Variants in RNGTT observed in about 807,000 individuals in gnomAD.
RNGTT encodes mRNA-capping enzyme.
Under a neutral mutation model 79.3 loss-of-function variants are expected in RNGTT, and 33 were observed. The observed-to-expected ratio is 0.42, with a 90% CI of 0.32 to 0.56. The LOEUF (loss-of-function observed/expected upper bound fraction) is 0.56. RNGTT is among the 20% of genes least tolerant of loss of function. The pLI is 0.17. For missense variants in RNGTT, 497 were observed against 739.1 expected (o/e 0.67, Z 3.80); for synonymous variants, 222 against 235.9 (o/e 0.94, Z 0.54).
rs1233717211 is a variant in RNGTT, at chr6:88,610,395, AC to A, written c.*2323del. 6.6e-6 allele frequency: 1 copy of A among 152,632 alleles called. No individual in the cohort carries two copies. Among genetic ancestry groups the A allele is most frequent in the Non-Finnish European group, 1.5e-5 (1 of 68,044 alleles). The allele number at this position is 152,632 out of a possible 1,614,324, so 9.5% of individuals were successfully genotyped here. A position where few individuals can be genotyped will look rare whatever the true frequency, so the allele number is the denominator to read the frequency against. ...CCATCCACGCAGTAGAGTCATCCAC[AC>A]CTTTTCCTAACAAAAAGCAAAAGCT... On this transcript the variant is annotated 3_prime_UTR_variant, in exon 16 of 16. Coordinates refer to ENST00000369485, the MANE Select transcript of RNGTT (RefSeq NM_003800.5).
intron 8 of RNGTT, among the ~76,000 whole-genome samples, chr6:88,863,246 C>T (rs1007309865): frequency 1.6e-4 from 24 of 152,160 alleles, no homozygotes; most frequent in African/African-American, 5.6e-4. Flanking sequence ...CAGCAGCATG[C>T]CACTGAAGAT....
At chr6:88,754,035 T>C (rs1360781928) in intron 13 of RNGTT, among the ~76,000 whole-genome samples, 1 of 152,006 alleles carries the variant, frequency 6.6e-6, no homozygotes, top group Non-Finnish European at 1.5e-5. Context: ...ATTTATAAAA[T>C]AAGAAAAGAA....
At chr6:88,762,271 G>A (rs9351180) in intron 13 of RNGTT, among the ~76,000 whole-genome samples, 21,087 of 152,144 alleles carry the variant, frequency 0.14, 1,604 homozygotes, top group Middle Eastern at 0.24. Flanking sequence ...TCTGACCCAC[G>A]GAATAAGGGT....
At chr6:88,649,014 A>C (rs781487033) in intron 14 of RNGTT, among the ~76,000 whole-genome samples, 1 of 152,240 alleles carries the variant, frequency 6.6e-6, no homozygotes, top group Non-Finnish European at 1.5e-5. Flanking sequence ...ACCTTAAGCA[A>C]AGCAATGTAC....
intron 11 of RNGTT, among the ~76,000 whole-genome samples, chr6:88,830,164 C>G (rs1279129654): frequency 6.6e-6 from 1 of 152,054 alleles, no homozygotes; most frequent in African/African-American, 2.4e-5. Context: ...TCAGCAAATG[C>G]AAAAGAACAG....
At chr6:88,676,546 C>G (rs989097749) in intron 14 of RNGTT, among the ~76,000 whole-genome samples, 1 of 151,970 alleles carries the variant, frequency 6.6e-6, no homozygotes, top group Admixed American at 6.6e-5. Context: ...TTAGATACAA[C>G]AACAAAAGCA....
intron 8 of RNGTT, among the ~76,000 whole-genome samples, chr6:88,859,873 G>A (rs546745540): frequency 6.6e-6 from 1 of 152,318 alleles, no homozygotes; most frequent in East Asian, 1.9e-4. Flanking sequence ...AAGCTGGCAA[G>A]GGAGTCTGGG....
intron 4 of RNGTT, among the ~76,000 whole-genome samples, chr6:88,913,309 T>A (rs563903280): frequency 5.3e-5 from 8 of 150,962 alleles, no homozygotes; most frequent in African/African-American, 1.9e-4. Flanking sequence ...CCAATCCTAC[T>A]GAAACAATCC....
At chr6:88,868,466 T>C (rs769523647) in intron 8 of RNGTT, among the ~76,000 whole-genome samples, 1 of 152,202 alleles carries the variant, frequency 6.6e-6, no homozygotes, top group Admixed American at 6.5e-5. Context: ...TGTGGATTTA[T>C]ATCAATTATT....
intron 14 of RNGTT, among the ~76,000 whole-genome samples, chr6:88,648,697 C>T (rs1185726414): frequency 1.3e-5 from 2 of 152,144 alleles, no homozygotes; most frequent in Admixed American, 1.3e-4. Context: ...TCACTCACAA[C>T]CTACCATTCT....
At chr6:88,623,609 G>A (rs1181381639) in intron 14 of RNGTT, among the ~76,000 whole-genome samples, 1 of 151,986 alleles carries the variant, frequency 6.6e-6, no homozygotes, top group African/African-American at 2.4e-5. Context: ...CTATCACAGT[G>A]TCTCAGATTC....
chr6:88,876,458 T>C (rs1348762646), intron 8 of RNGTT, among the ~76,000 whole-genome samples: 1 of 152,156 alleles, frequency 6.6e-6, no homozygotes, highest in Non-Finnish European at 1.5e-5. Context: ...GAGGCTGCAG[T>C]GAGGCATGAG....
chr6:88,903,302 T>C (rs527840871), intron 6 of RNGTT, among the ~76,000 whole-genome samples: 2 of 151,812 alleles, frequency 1.3e-5, no homozygotes, highest in South Asian at 4.2e-4. Flanking sequence ...CCCAGGGAGG[T>C]CAAGGCTGGG....
chr6:88,689,618 C>CTAAATATAAATATAAAATATAA (rs1162020528), intron 13 of RNGTT, among the ~76,000 whole-genome samples: 2 of 149,548 alleles, frequency 1.3e-5, no homozygotes, highest in African/African-American at 4.9e-5. Context: ...AAGTCTATAC[C>CTAAATATAAATATAAAATATAA]AATATAAATA....
chr6:88,849,723 T>C, intron 10 of RNGTT, 32 bp downstream of exon 10: 1 of 1,481,792 alleles, frequency 6.7e-7, no homozygotes, highest in Non-Finnish European at 9.0e-7. Flanking sequence ...ATTTCAGTAA[T>C]AACTTGTATT....
At position 88,957,636 on chromosome 6, in the gene RNGTT, AT is replaced by A. The variant is rs1416862999; in HGVS notation, c.64+5709del. ...CTTTTACAACAGCTGCATAAAAAAAATAATAACAATAGAATACTTAGGAATA... is the reference window on the plus strand; with the variant it reads ...CTTTTACAACAGCTGCATAAAAAAAAAATAACAATAGAATACTTAGGAATA... On this transcript the variant is annotated intron_variant, in intron 1 of 15. Transcript: ENST00000369485. Among the ~76,000 whole-genome samples, 6 of 152,274 alleles carry A rather than the reference AT, an allele frequency of 3.9e-5. No individual in the cohort carries two copies. The South Asian group carries it at 8.3e-4, about 21-fold the overall frequency.
chr6:88,960,934 T>C (rs1785595156), intron 1 of RNGTT, among the ~76,000 whole-genome samples: 1 of 152,232 alleles, frequency 6.6e-6, no homozygotes, highest in African/African-American at 2.4e-5. Context: ...ATTACTGTGA[T>C]GGTTAATACT....
intron 13 of RNGTT, among the ~76,000 whole-genome samples, chr6:88,698,271 T>TATG (rs746420723): frequency 1.1e-5 from 1 of 93,906 alleles, no homozygotes; most frequent in Non-Finnish European, 1.9e-5. Flanking sequence ...ATATATATGA[T>TATG]ATATATATTT....
At chr6:88,736,393 G>C (rs1295366690) in intron 13 of RNGTT, among the ~76,000 whole-genome samples, 1 of 152,138 alleles carries the variant, frequency 6.6e-6, no homozygotes, top group Non-Finnish European at 1.5e-5. Flanking sequence ...TGTCTCTCAA[G>C]AACATTGTCA....
Sources: allele counts gnomAD v4.1 joint callset (sites outside exome capture counted in the v4.1 genomes callset), GRCh38; gene constraint gnomAD v4.1.1; transcripts MANE v1.5; gene names NCBI Gene and HGNC (gene_info 2026-07-23, HGNC 2026-07-21).